PAX5: variants seen among roughly 807,000 people sequenced by gnomAD.
PAX5 encodes paired box 5.
A neutral mutation model predicts 43.7 loss-of-function variants in PAX5; 9 were observed. The observed-to-expected ratio is 0.21, with a 90% CI of 0.12 to 0.36. The LOEUF (loss-of-function observed/expected upper bound fraction) is 0.36, where lower values mean the gene tolerates loss of function less well. Ranked by LOEUF, PAX5 falls within the 10% of genes least tolerant of loss-of-function variation. The pLI, the probability that PAX5 is intolerant of heterozygous loss-of-function variation, is 1.00. For missense variants in PAX5, 383 were observed against 532.7 expected (o/e 0.72, Z 2.77); for synonymous variants, 228 against 214.3 (o/e 1.06, Z -0.56).
At chr9:36,907,459 G>A (rs1054667508) in intron 7 of PAX5, among the ~76,000 whole-genome samples, 4 of 152,114 alleles carry the variant, frequency 2.6e-5, no homozygotes, top group Admixed American at 1.3e-4. Flanking sequence ...ACAGCCCTGG[G>A]CCTCCTGTGG....
chr9:36,917,520 G>A (rs1829817243), intron 7 of PAX5, among the ~76,000 whole-genome samples: 1 of 152,208 alleles, frequency 6.6e-6, no homozygotes, highest in Non-Finnish European at 1.5e-5. Context: ...TTTGTAAAAA[G>A]CTCTATGTAG....
intron 9 of PAX5, among the ~76,000 whole-genome samples, chr9:36,845,651 G>C (rs1004130781): frequency 8.5e-5 from 13 of 152,144 alleles, no homozygotes. Flanking sequence ...ACAGCCCAAG[G>C]TCCCAAGAGC....
At chr9:37,010,964 T>A (rs927118551) in intron 3 of PAX5, among the ~76,000 whole-genome samples, 1 of 151,692 alleles carries the variant, frequency 6.6e-6, no homozygotes, top group Non-Finnish European at 1.5e-5. Flanking sequence ...CTACAAAAAA[T>A]GCAAAAAATT....
intron 9 of PAX5, among the ~76,000 whole-genome samples, chr9:36,843,568 G>A (rs1159088607): frequency 6.6e-6 from 1 of 152,180 alleles, no homozygotes; most frequent in Non-Finnish European, 1.5e-5. Flanking sequence ...GGCAGTGCAG[G>A]GACCATTTCT....
At chr9:37,027,532 G>A (rs1840526359) in intron 1 of PAX5, among the ~76,000 whole-genome samples, 1 of 152,248 alleles carries the variant, frequency 6.6e-6, no homozygotes, top group Admixed American at 6.5e-5. Flanking sequence ...AGAGAGCAGA[G>A]GGTCCCAGCC....
chr9:36,906,258 C>A (rs995011301), intron 7 of PAX5, among the ~76,000 whole-genome samples: 15 of 152,086 alleles, frequency 9.9e-5, no homozygotes, highest in African/African-American at 3.4e-4. Flanking sequence ...GAGGTATTTG[C>A]GATGTGGAGA....
At chr9:36,869,070 G>A (rs1178423955) in intron 8 of PAX5, among the ~76,000 whole-genome samples, 1 of 152,140 alleles carries the variant, frequency 6.6e-6, no homozygotes, top group East Asian at 1.9e-4. Context: ...TGAGGGCTTC[G>A]GACACTGCCA....
Position 36,839,264 on chromosome 9 carries a change from G to T in PAX5, c.*1296C>A, listed in dbSNP as rs991449593. On this transcript the variant is annotated 3_prime_UTR_variant, in exon 10 of 10. Transcript: ENST00000358127. The stretch of plus-strand genomic sequence containing the variant: ...CCCTAGCCCACAGTGAGTTCTCCAA[G>T]CTCCCTCTCCAAGTTCCCGTGGCCC... 1 of 233,554 alleles carries T rather than the reference G, an allele frequency of 4.3e-6. No individual in the cohort carries two copies. The highest frequency in any genetic ancestry group is 8.5e-6 in the Non-Finnish European group (1 of 118,218). 14.5% of individuals were successfully genotyped at this position (233,554 alleles called of 1,614,324 possible). A position where few individuals can be genotyped will look rare whatever the true frequency, so the allele number is the denominator to read the frequency against.
At chr9:36,927,712 CTT>C (rs113477748) in intron 6 of PAX5, among the ~76,000 whole-genome samples, 7 of 142,058 alleles carry the variant, frequency 4.9e-5, no homozygotes, top group Non-Finnish European at 3.0e-5. Context: ...TTTTCTTTTT[CTT>C]TTTTTTTTTT....
chr9:36,977,250 A>G (rs1319683300), intron 5 of PAX5, among the ~76,000 whole-genome samples: 1 of 141,286 alleles, frequency 7.1e-6, no homozygotes, highest in African/African-American at 2.6e-5. Context: ...CATTTTACAG[A>G]TGAGGAAACT....
At position 36,839,477 on chromosome 9, in the gene PAX5, G is replaced by A. The variant is rs150444583; in HGVS notation, c.*1083C>T. 552 of 233,468 alleles carry A rather than the reference G, an allele frequency of 2.4e-3. 10 individuals are homozygous for A. The East Asian group carries it at 0.032, about 13-fold the overall frequency. 14.5% of individuals were successfully genotyped at this position (233,468 alleles called of 1,614,324 possible). ...GCTGTAGGCTGTTTGTGATCTGGGTGTGGGGGAAAGTCCTCTGTGTTAATT... is the reference window on the plus strand; with the variant it reads ...GCTGTAGGCTGTTTGTGATCTGGGTATGGGGGAAAGTCCTCTGTGTTAATT... On this transcript the variant is annotated 3_prime_UTR_variant, in exon 10 of 10. Transcript: ENST00000358127.
At chr9:36,979,924 C>G (rs536219969) in intron 5 of PAX5, among the ~76,000 whole-genome samples, 1 of 152,304 alleles carries the variant, frequency 6.6e-6, no homozygotes, top group African/African-American at 2.4e-5. Context: ...ACTGTTGCCC[C>G]AAATCACCAG....
Position 36,838,257 on chromosome 9 carries a change from C to T in PAX5, c.*2303G>A, listed in dbSNP as rs148419114. Reference sequence around the variant, plus strand: ...ATCCCTGGCCTGGGTGACCAGGCTTCCTTGGCAGTTCTTACAGACTGATTG... The same window carrying T: ...ATCCCTGGCCTGGGTGACCAGGCTTTCTTGGCAGTTCTTACAGACTGATTG... On this transcript the variant is annotated 3_prime_UTR_variant, in exon 10 of 10. Transcript: ENST00000358127. The T allele has an allele frequency of 2.7e-3, 626 of 232,880 alleles. 4 individuals are homozygous for T. Among genetic ancestry groups the T allele is most frequent in the African/African-American group, 0.012 (556 of 45,396 alleles). 14.4% of individuals were successfully genotyped at this position (232,880 alleles called of 1,614,324 possible). A position where few individuals can be genotyped will look rare whatever the true frequency, so the allele number is the denominator to read the frequency against.
At chr9:36,845,925 T>C (rs1822529185) in intron 9 of PAX5, among the ~76,000 whole-genome samples, 1 of 152,200 alleles carries the variant, frequency 6.6e-6, no homozygotes, top group Non-Finnish European at 1.5e-5. Flanking sequence ...ACCTGGGTGG[T>C]CTCAGAGGGC....
At chr9:37,025,032 C>T (rs1047866948) in intron 1 of PAX5, among the ~76,000 whole-genome samples, 1 of 152,334 alleles carries the variant, frequency 6.6e-6, no homozygotes, top group African/African-American at 2.4e-5. Flanking sequence ...AGATCAGGTC[C>T]TCCCCAGAGC....
intron 1 of PAX5, among the ~76,000 whole-genome samples, chr9:37,023,262 G>A (rs982224578): frequency 1.3e-5 from 2 of 152,190 alleles, no homozygotes; most frequent in African/African-American, 4.8e-5. Flanking sequence ...AATAAGAAGA[G>A]AAAATGGAGG....
chr9:36,979,203 C>T (rs143444386), intron 5 of PAX5, among the ~76,000 whole-genome samples: 5 of 152,320 alleles, frequency 3.3e-5, no homozygotes, highest in East Asian at 3.9e-4. Flanking sequence ...TGTCTGCCAA[C>T]GTGTGTCATC....
intron 3 of PAX5, chr9:37,007,933 A>AC (rs1838590553): frequency 6.6e-6 from 1 of 152,078 alleles, no homozygotes; most frequent in Admixed American, 6.6e-5. Context: ...AGGCTGGAGT[A>AC]TAGTGGTGCG....
At chr9:36,936,635 T>A (rs1588022610) in intron 6 of PAX5, among the ~76,000 whole-genome samples, 1 of 152,298 alleles carries the variant, frequency 6.6e-6, no homozygotes, top group East Asian at 1.9e-4. Context: ...GTTCACATTC[T>A]TTTGGCATGA....
Sources: gnomAD v4.1 joint callset for allele counts (sites outside exome capture counted in the v4.1 genomes callset) on GRCh38, gnomAD v4.1.1 for gene constraint, MANE v1.5 for transcripts, NCBI Gene and HGNC (gene_info 2026-07-23, HGNC 2026-07-21) for gene names.